Variants in AFF2 observed in about 807,000 individuals in gnomAD.
AFF2 encodes the protein ALF transcription elongation factor 2.
Under a neutral mutation model 76.9 loss-of-function variants are expected in AFF2, and 14 were observed. The observed-to-expected ratio is 0.18, with a 90% confidence interval of 0.12 to 0.28. The LOEUF (loss-of-function observed/expected upper bound fraction) is 0.28. Ranked by LOEUF, AFF2 falls within the 10% of genes least tolerant of loss-of-function variation. AFF2 has a pLI of 1.00. For missense variants in AFF2, 868 were observed against 1,001.1 expected (o/e 0.87, Z 1.79); for synonymous variants, 398 against 366.7 (o/e 1.09, Z -0.98).
intron 3 of AFF2, among the ~76,000 whole-genome samples, chrX:148,790,631 T>C (rs781943449): frequency 2.4e-4 from 25 of 104,726 alleles, no homozygotes; most frequent in Non-Finnish European, 4.1e-4. Context: ...AAATGGGAGC[T>C]GAACAATGAG....
intron 8 of AFF2, among the ~76,000 whole-genome samples, chrX:148,896,192 G>T (rs1411489959): frequency 9.0e-6 from 1 of 111,481 alleles, no homozygotes; most frequent in Non-Finnish European, 1.9e-5. Context: ...GGGAGCAGGT[G>T]TGTTATGAAA....
At chrX:148,952,205 C>T (rs1318456327) in intron 9 of AFF2, among the ~76,000 whole-genome samples, 1 of 111,261 alleles carries the variant, frequency 9.0e-6, no homozygotes, top group Admixed American at 9.5e-5. Flanking sequence ...GTCATGAACT[C>T]GTTTGGGTTC....
intron 3 of AFF2, among the ~76,000 whole-genome samples, chrX:148,773,195 A>G (rs1264837803): frequency 8.9e-6 from 1 of 112,114 alleles, no homozygotes; most frequent in Non-Finnish European, 1.9e-5. Flanking sequence ...AAATCTAGTA[A>G]TTTCTAAGTG....
intron 1 of AFF2, among the ~76,000 whole-genome samples, chrX:148,638,682 C>T (rs1258304609): frequency 2.7e-5 from 3 of 111,277 alleles, no homozygotes; most frequent in Non-Finnish European, 3.8e-5. Flanking sequence ...AGAGCAGGCA[C>T]CTCACGTGGC....
At chrX:148,831,952 C>A (rs782671412) in intron 4 of AFF2, among the ~76,000 whole-genome samples, 53 of 112,198 alleles carry the variant, frequency 4.7e-4, no homozygotes, top group African/African-American at 1.7e-3. Flanking sequence ...TTTGTAAATG[C>A]ATAAGGACCT....
chrX:148,637,313 G>A (rs931220880), intron 1 of AFF2, among the ~76,000 whole-genome samples: 2 of 112,036 alleles, frequency 1.8e-5, no homozygotes, highest in Non-Finnish European at 3.8e-5. Context: ...TGTGCCCCAG[G>A]TCCAGATTAA....
chrX:148,950,439 G>A (rs1336340923), intron 9 of AFF2, among the ~76,000 whole-genome samples: 2 of 111,881 alleles, frequency 1.8e-5, no homozygotes, highest in Non-Finnish European at 3.8e-5. Flanking sequence ...ATTTCCAACT[G>A]TGCAACTTCC....
intron 3 of AFF2, among the ~76,000 whole-genome samples, chrX:148,722,847 C>G (rs907550583): frequency 2.3e-4 from 26 of 111,102 alleles, no homozygotes; most frequent in African/African-American, 8.2e-4. Flanking sequence ...TTTGTATACC[C>G]CAGTCCTCTG....
chrX:148,711,438 C>T (rs2054966682), intron 3 of AFF2, among the ~76,000 whole-genome samples: 1 of 111,911 alleles, frequency 8.9e-6, no homozygotes, highest in Non-Finnish European at 1.9e-5. Flanking sequence ...TACTAATTTT[C>T]ACATTATTTC....
intron 1 of AFF2, among the ~76,000 whole-genome samples, chrX:148,627,187 A>G (rs1237656663): frequency 3.6e-5 from 4 of 112,498 alleles, no homozygotes; most frequent in Non-Finnish European, 7.5e-5. Flanking sequence ...TTGCACTCCA[A>G]CCTGGGTGAC....
rs1248253980 is a variant in AFF2, at chrX:148,963,910, C to G, written c.2913+973C>G. On this transcript the variant is annotated intron_variant, in intron 13 of 20. Coordinates refer to ENST00000370460, the MANE Select transcript of AFF2 (RefSeq NM_002025.4). The stretch of plus-strand genomic sequence containing the variant: ...TGGGTTGAAAAAAAATCTTTATTTT[C>G]TTCGTATCCATCATAACAATTTGTA... 2.7e-5 allele frequency among the ~76,000 whole-genome samples: 3 copies of G among 111,725 alleles called. No individual in the cohort carries two copies. In the Admixed American group the frequency reaches 2.9e-4, roughly 11 times the overall value.
At chrX:148,685,762 G>A (rs906576078) in intron 3 of AFF2, among the ~76,000 whole-genome samples, 3 of 110,723 alleles carry the variant, frequency 2.7e-5, no homozygotes, top group South Asian at 3.8e-4. Context: ...TCCCAGACCC[G>A]TATCAAAATA....
chrX:148,873,201 G>C (rs1470828755), intron 7 of AFF2, among the ~76,000 whole-genome samples: 2 of 111,022 alleles, frequency 1.8e-5, no homozygotes, highest in Non-Finnish European at 3.8e-5. Context: ...GAGGAGAAGA[G>C]TCTTTGCCCA....
chrX:148,784,536 G>C (rs1413751100), intron 3 of AFF2, among the ~76,000 whole-genome samples: 4 of 111,582 alleles, frequency 3.6e-5, no homozygotes, highest in African/African-American at 1.3e-4. Flanking sequence ...TGAATACCTT[G>C]ATGAGGTGAA....
At chrX:148,676,268 G>A (rs1406238942) in intron 3 of AFF2, among the ~76,000 whole-genome samples, 1 of 108,940 alleles carries the variant, frequency 9.2e-6, no homozygotes, top group South Asian at 4.1e-4. Flanking sequence ...CCATGGTCTC[G>A]ATCTCCTGAC....
intron 9 of AFF2, among the ~76,000 whole-genome samples, chrX:148,910,664 C>T (rs937552560): frequency 1.3e-4 from 15 of 111,894 alleles, no homozygotes; most frequent in African/African-American, 4.9e-4. Context: ...AGCAAGGAGC[C>T]CAGGATGCCT....
intron 3 of AFF2, among the ~76,000 whole-genome samples, chrX:148,675,629 G>A (rs1289599404): frequency 4.6e-5 from 5 of 109,091 alleles, no homozygotes; most frequent in Non-Finnish European, 9.5e-5. Flanking sequence ...ACCTTGAAGT[G>A]AACTTACTGG....
At chrX:148,668,845 C>T (rs990754410) in intron 3 of AFF2, among the ~76,000 whole-genome samples, 3 of 112,353 alleles carry the variant, frequency 2.7e-5, no homozygotes, top group Admixed American at 9.4e-5. Context: ...GGTTAACATT[C>T]GGCTCCTTGT....
intron 19 of AFF2, among the ~76,000 whole-genome samples, chrX:148,981,320 G>A (rs1365510871): frequency 4.5e-5 from 5 of 110,909 alleles, no homozygotes; most frequent in African/African-American, 9.8e-5. Context: ...ACTCACCTGC[G>A]CCTGAGGCCT....
Sources: allele counts gnomAD v4.1 joint callset (sites outside exome capture counted in the v4.1 genomes callset), GRCh38; gene constraint gnomAD v4.1.1; transcripts MANE v1.5; gene names NCBI Gene and HGNC (gene_info 2026-07-23, HGNC 2026-07-21).